ABCA5: variants seen among roughly 807,000 people sequenced by gnomAD.
ABCA5 encodes ATP binding cassette subfamily A member 5.
A neutral mutation model predicts 206.0 loss-of-function variants in ABCA5; 163 were observed. That is an observed-to-expected ratio of 0.79 (90% CI 0.70 to 0.90). ABCA5 has a LOEUF of 0.90. Ranked by LOEUF, ABCA5 falls within the 40% of genes least tolerant of loss-of-function variation. ABCA5 has a pLI of 0.00. For missense variants in ABCA5, 1,859 were observed against 1,912.9 expected (o/e 0.97, Z 0.53); for synonymous variants, 609 against 613.8 (o/e 0.99, Z 0.11).
At chr17:69,280,407 GA>G (rs2144959337) in intron 18 of ABCA5, among the ~76,000 whole-genome samples, 1 of 150,378 alleles carries the variant, frequency 6.6e-6, no homozygotes, top group African/African-American at 2.4e-5. Flanking sequence ...AGGATATGGA[GA>G]AACAGGAACA....
At chr17:69,287,501 A>G (rs2075470618) in intron 15 of ABCA5, 112 bp downstream of exon 15, 15 of 1,362,968 alleles carry the variant, frequency 1.1e-5, no homozygotes, top group Middle Eastern at 3.9e-4. Context: ...TGTGAAGGAA[A>G]CATACCACTA....
chr17:69,279,253 G>A (rs1187509275), intron 18 of ABCA5, among the ~76,000 whole-genome samples: 1 of 151,912 alleles, frequency 6.6e-6, no homozygotes, highest in Admixed American at 6.6e-5. Flanking sequence ...CAGACAGAGA[G>A]CCAAATCATG....
At position 69,297,188 on chromosome 17, in the gene ABCA5, T is replaced by C. The variant is rs771822400; in HGVS notation, c.1436+3A>G. 5 of 1,610,112 alleles carry C rather than the reference T, an allele frequency of 3.1e-6. No individual in the cohort carries two copies. The highest frequency in any genetic ancestry group is 1.3e-5 in the African/African-American group (1 of 74,716). On this transcript the variant is annotated splice_donor_region_variant and intron_variant, in intron 10 of 38. Coordinates refer to ENST00000392676, the MANE Select transcript of ABCA5 (RefSeq NM_172232.4). ...ACCTAAATTGCCAAAGATTGAACCA[T>C]ACCTTATGGCTTCTTTTCCTACAAA...
chr17:69,256,362 G>T, intron 28 of ABCA5, 79 bp from the exon 29 acceptor site: 1 of 844,798 alleles, frequency 1.2e-6, no homozygotes, highest in Non-Finnish European at 1.6e-6. Flanking sequence ...ACTAGGTAGA[G>T]AAAAGACTGA....
In ABCA5 at chr17:69,274,184, A is replaced by T. The variant is rs2075305634; in HGVS notation, c.2595-56T>A. ...GGGTACAAAGGTACATTAATATGAA[A>T]ATCAATTAAAACTCTCCCTTCACAT... On this transcript the variant is annotated intron_variant, in intron 19 of 38. Coordinates refer to ENST00000392676, the MANE Select transcript of ABCA5 (RefSeq NM_172232.4). 4 of 1,441,094 alleles carry T rather than the reference A, an allele frequency of 2.8e-6. No individual in the cohort carries two copies. The South Asian group carries it at 5.8e-5, about 21-fold the overall frequency. The allele number at this position is 1,441,094 out of a possible 1,614,324, so 89.3% of individuals were successfully genotyped here.
intron 25 of ABCA5, 84 bp downstream of exon 25, chr17:69,261,548 ACAT>A (rs111243629): frequency 0.078 from 52,782 of 679,362 alleles, 3,839 homozygotes; most frequent in African/African-American, 0.32. Context: ...CTTACAAAAG[ACAT>A]GTAACATTTT....
intron 15 of ABCA5, among the ~76,000 whole-genome samples, chr17:69,287,088 T>C (rs1462366192): frequency 6.6e-6 from 1 of 152,204 alleles, no homozygotes; most frequent in Non-Finnish European, 1.5e-5. Context: ...AAACAACTTC[T>C]TTCCTTCTGA....
At position 69,306,793 on chromosome 17, in the gene ABCA5, G is replaced by A. The variant is rs200934062; in HGVS notation, c.720C>T (p.Ile240=). ...SPFGYFLAIH[I]VAEKEKKIKE... ...TTATTTTTTTTTCTTTTTCTGCTAC[G>A]ATATGAATTGCCAAAAAGTATCCAA... is the stretch of plus-strand genomic sequence containing the variant. The change falls in exon 6 of 39, where the codon ATC becomes ATT. Residue 240 remains isoleucine, a synonymous_variant. Transcript: ENST00000392676. The A allele has an allele frequency of 2.5e-5, 39 of 1,579,794 alleles. No homozygotes were observed. Among genetic ancestry groups the A allele is most frequent in the South Asian group, 5.9e-5 (5 of 84,410 alleles).
intron 3 of ABCA5, 34 bp downstream of exon 3, chr17:69,313,058 T>A: frequency 6.9e-7 from 1 of 1,439,676 alleles, no homozygotes; most frequent in Non-Finnish European, 9.4e-7. Flanking sequence ...AGGCTTAATA[T>A]TATAAACAGA....
In ABCA5 at chr17:69,285,898, C is replaced by T; in HGVS notation, c.2272G>A (p.Gly758Ser). 6.2e-7 allele frequency: 1 copy of T among 1,609,744 alleles called. No homozygotes were observed. Among genetic ancestry groups the T allele is most frequent in the South Asian group, 1.1e-5 (1 of 90,240 alleles). The change falls in exon 17 of 39, where the codon GGT (glycine) becomes AGT (serine). Residue 758 changes from glycine (G) to serine (S), a missense_variant and splice_region_variant. By Grantham distance (56) the Gly-to-Ser change is moderately conservative (BLOSUM62 0). Transcript: ENST00000392676. ...LPFKDMDKFS[G>S]LFSALDSHSN... ...CCAAGAGACTTAAAGTAAGTAATAC[C>T]TGAAAATTTGTCCATGTCCTTGAAA...
rs1598176602 is a variant in ABCA5 at position 69,284,079 on chromosome 17, G to A, written c.2273-7C>T. Reference sequence around the variant, plus strand: ...TCTAGGGCAGAAAACAAACCTAAAAGAAAAAAATGAAAGAATAGTATATCT... The same window carrying A: ...TCTAGGGCAGAAAACAAACCTAAAAAAAAAAAATGAAAGAATAGTATATCT... On this transcript the variant is annotated splice_region_variant and splice_polypyrimidine_tract_variant and intron_variant, in intron 17 of 38. Transcript: ENST00000392676. 6.5e-7 allele frequency: 1 copy of A among 1,532,128 alleles called. No individual in the cohort carries two copies. Among genetic ancestry groups the A allele is most frequent in the Admixed American group, 2.3e-5 (1 of 44,242 alleles). 94.9% of individuals were successfully genotyped at this position (1,532,128 alleles called of 1,614,324 possible). A position where few individuals can be genotyped will look rare whatever the true frequency, so the allele number is the denominator to read the frequency against.
At chr17:69,269,418 T>A (rs545954624) in intron 22 of ABCA5, among the ~76,000 whole-genome samples, 27 of 152,324 alleles carry the variant, frequency 1.8e-4, no homozygotes, top group African/African-American at 6.5e-4. Flanking sequence ...TTTCATAATA[T>A]GAGATACCTC....
intron 1 of ABCA5, among the ~76,000 whole-genome samples, chr17:69,316,524 A>C (rs1008854112): frequency 2.0e-5 from 3 of 151,472 alleles, no homozygotes; most frequent in African/African-American, 7.3e-5. Context: ...AAACTATAGG[A>C]CAATAACAAA....
Position 69,289,986 on chromosome 17 carries a change from T to G in ABCA5, c.1658A>C (p.Glu553Ala). 1 of 1,612,324 alleles carries G rather than the reference T, an allele frequency of 6.2e-7. No individual in the cohort carries two copies. Among genetic ancestry groups the G allele is most frequent in the East Asian group, 2.2e-5 (1 of 44,676 alleles). ...HRVSEIDEMF[E>A]ARKMIGICPQ... Reference sequence around the variant, plus strand: ...ACAAATGCCAATCATTTTTCTTGCTTCAAACATTTCATCTATTTCTGAGAC... The same window carrying G: ...ACAAATGCCAATCATTTTTCTTGCTGCAAACATTTCATCTATTTCTGAGAC... Residue 553 changes from glutamate to alanine, a missense_variant, in exon 13 of 39, where the codon GAA becomes GCA. Coordinates refer to ENST00000392676, the MANE Select transcript of ABCA5 (RefSeq NM_172232.4).
chr17:69,254,262 A>C, intron 32 of ABCA5, 53 bp downstream of exon 32: 1 of 1,413,828 alleles, frequency 7.1e-7, no homozygotes, highest in Non-Finnish European at 9.5e-7. Flanking sequence ...AAAAATATGA[A>C]ATGCAAACCT....
chr17:69,254,116 T>TA (rs913202627), intron 32 of ABCA5, among the ~76,000 whole-genome samples, 199 bp downstream of exon 32: 1 of 152,156 alleles, frequency 6.6e-6, no homozygotes, highest in Non-Finnish European at 1.5e-5. Context: ...AACTAGAAAT[T>TA]AAAAAATGAC....
chr17:69,326,862 G>A lies in ABCA5; in HGVS notation c.-16+190C>T, dbSNP rs929769767. Among the ~76,000 whole-genome samples, 6 of 151,900 alleles carry A rather than the reference G, an allele frequency of 3.9e-5. No homozygotes were observed. Among genetic ancestry groups the A allele is most frequent in the African/African-American group, 1.5e-4 (6 of 41,332 alleles). Reference sequence around the variant, plus strand: ...CCGCGCTTCCCGGGAGCTGAGGGAGGTCTGTTTCCCTCAGCTCGCCGCCTC... The same window carrying A: ...CCGCGCTTCCCGGGAGCTGAGGGAGATCTGTTTCCCTCAGCTCGCCGCCTC... On this transcript the variant is annotated intron_variant, in intron 1 of 38. Coordinates refer to ENST00000392676, the MANE Select transcript of ABCA5 (RefSeq NM_172232.4). The surrounding 1 kb of genome is among the most constrained non-coding windows in gnomAD (Gnocchi z 4.8).
chr17:69,277,873 T>C (rs2075351336), intron 18 of ABCA5, 31 bp from the exon 19 acceptor site: 16 of 1,433,204 alleles, frequency 1.1e-5, no homozygotes, highest in Non-Finnish European at 1.5e-5. Flanking sequence ...AACATTTCAG[T>C]ATGTTCATTA....
rs1200368864 is a variant in ABCA5, at chr17:69,279,361, T to C, written c.2393-1519A>G. On this transcript the variant is annotated intron_variant, in intron 18 of 38. Coordinates refer to ENST00000392676, the MANE Select transcript of ABCA5 (RefSeq NM_172232.4). ...GACCTCTTCAAGGAGAACTACAAAC[T>C]GCTGCTCAAGGAAATAAAAGAGGAT... Among the ~76,000 whole-genome samples, 5 of 152,046 alleles carry C rather than the reference T, an allele frequency of 3.3e-5. No individual in the cohort carries two copies. The East Asian group carries it at 5.8e-4, about 18-fold the overall frequency.
Sources: allele counts gnomAD v4.1 joint callset (sites outside exome capture counted in the v4.1 genomes callset), GRCh38; gene constraint gnomAD v4.1.1; non-coding constraint Gnocchi (gnomAD v3.1); transcripts MANE v1.5; gene names NCBI Gene and HGNC (gene_info 2026-07-23, HGNC 2026-07-21).